NTM: variants seen among roughly 807,000 people sequenced by gnomAD.
NTM encodes the protein neurotrimin.
A neutral mutation model predicts 42.1 loss-of-function variants in NTM; 13 were observed. The observed-to-expected ratio is 0.31, with a 90% confidence interval of 0.20 to 0.49. The LOEUF (loss-of-function observed/expected upper bound fraction) is 0.49. NTM is among the 20% of genes least tolerant of loss of function. The probability of loss-of-function intolerance (pLI) is 0.99; values close to 1 mark genes in which losing one functional copy is unlikely to be tolerated. For missense variants in NTM, 373 were observed against 452.8 expected (o/e 0.82, Z 1.60); for synonymous variants, 187 against 179.2 (o/e 1.04, Z -0.35).
At chr11:131,890,509 G>A (rs1462066983) in intron 1 of NTM, among the ~76,000 whole-genome samples, 8 of 152,150 alleles carry the variant, frequency 5.3e-5, no homozygotes, top group South Asian at 2.1e-4. Context: ...ACTCATGAGC[G>A]CTCTCCTTTT....
At chr11:132,290,336 C>G (rs1257497160) in intron 4 of NTM, among the ~76,000 whole-genome samples, 3 of 151,900 alleles carry the variant, frequency 2.0e-5, no homozygotes, top group Admixed American at 2.0e-4. Context: ...CTGCCCTGCC[C>G]TTGGTAAATC....
intron 1 of NTM, among the ~76,000 whole-genome samples, chr11:131,688,274 A>T (rs60918919): frequency 0.11 from 16,136 of 152,108 alleles, 2,858 homozygotes; most frequent in African/African-American, 0.37. Context: ...ACAGGGGGGA[A>T]AGCAGCTTGC....
Position 132,147,103 on chromosome 11 carries a change from G to C in NTM, c.400+589G>C, listed in dbSNP as rs376428614. Among the ~76,000 whole-genome samples, 7 of 151,254 alleles carry C rather than the reference G, an allele frequency of 4.6e-5. No homozygotes were observed. In the East Asian group the frequency reaches 7.8e-4, roughly 17 times the overall value. On this transcript the variant is annotated intron_variant, in intron 3 of 8. Coordinates refer to ENST00000683400, the MANE Select transcript of NTM (RefSeq NM_001352005.2). ...ATAATACTGGTGTCTGATTCTCCCT[G>C]TTTTGATTCCATCCCAACTCTCCTG...
intron 1 of NTM, among the ~76,000 whole-genome samples, chr11:131,844,274 C>T (rs1249072619): frequency 2.0e-5 from 3 of 152,128 alleles, no homozygotes; most frequent in Admixed American, 6.5e-5. Flanking sequence ...TGTTTCTTTC[C>T]TTAATCCAGT....
At chr11:132,259,257 C>A in intron 4 of NTM, among the ~76,000 whole-genome samples, 1 of 151,878 alleles carries the variant, frequency 6.6e-6, no homozygotes, top group Non-Finnish European at 1.5e-5. Flanking sequence ...GCCTTAAATT[C>A]CAATGCATAA....
At chr11:131,376,672 T>C (rs2135493125) in intron 1 of NTM, among the ~76,000 whole-genome samples, 1 of 152,166 alleles carries the variant, frequency 6.6e-6, no homozygotes, top group South Asian at 2.1e-4. Context: ...ATTTGATTTT[T>C]TTTTTTTTTT....
At chr11:131,490,554 A>T (rs1190752697) in intron 1 of NTM, among the ~76,000 whole-genome samples, 1 of 152,140 alleles carries the variant, frequency 6.6e-6, no homozygotes, top group East Asian at 1.9e-4. Flanking sequence ...GCGCCTCTGA[A>T]GTTGAAGCAT....
chr11:131,481,299 C>T (rs368396423), intron 1 of NTM, among the ~76,000 whole-genome samples: 7 of 152,176 alleles, frequency 4.6e-5, no homozygotes, highest in South Asian at 4.1e-4. Context: ...ATCCCCTGAA[C>T]GTGGAGACGG....
intron 1 of NTM, among the ~76,000 whole-genome samples, chr11:131,391,532 C>G (rs1027611044): frequency 7.0e-6 from 1 of 143,442 alleles, no homozygotes. Context: ...TTGATTTTTA[C>G]AGTATGTTTA....
At chr11:131,601,561 C>A (rs1042826254) in intron 1 of NTM, among the ~76,000 whole-genome samples, 2 of 151,856 alleles carry the variant, frequency 1.3e-5, no homozygotes, top group Non-Finnish European at 2.9e-5. Context: ...GACTAAAATG[C>A]TCCCACCTCA....
intron 3 of NTM, among the ~76,000 whole-genome samples, chr11:132,202,789 T>C (rs1476611757): frequency 6.6e-6 from 1 of 152,186 alleles, no homozygotes. Flanking sequence ...ACATTTCAGT[T>C]GATCCTGAAA....
chr11:131,559,588 T>C (rs2055946775), intron 1 of NTM, among the ~76,000 whole-genome samples: 1 of 152,230 alleles, frequency 6.6e-6, no homozygotes, highest in Admixed American at 6.5e-5. Context: ...AAGGTCATTA[T>C]ACCTGAGTTC....
intron 1 of NTM, among the ~76,000 whole-genome samples, chr11:131,692,081 G>A (rs971772126): frequency 5.3e-5 from 8 of 152,180 alleles, no homozygotes; most frequent in Admixed American, 2.6e-4. Flanking sequence ...CAGAGGAAAC[G>A]GGCAGGGAGT....
intron 1 of NTM, among the ~76,000 whole-genome samples, chr11:131,835,139 A>C (rs1322197327): frequency 6.6e-6 from 1 of 152,232 alleles, no homozygotes; most frequent in Non-Finnish European, 1.5e-5. Context: ...AGGAGATGGT[A>C]GATACCAATT....
At chr11:132,266,595 A>G (rs2093197685) in intron 4 of NTM, among the ~76,000 whole-genome samples, 1 of 152,224 alleles carries the variant, frequency 6.6e-6, no homozygotes, top group Non-Finnish European at 1.5e-5. Context: ...AGTTTTAAAG[A>G]CAGAGAACTC....
intron 2 of NTM, among the ~76,000 whole-genome samples, chr11:131,981,961 A>C (rs951111717): frequency 6.6e-6 from 1 of 152,110 alleles, no homozygotes; most frequent in African/African-American, 2.4e-5. Flanking sequence ...GCAGTGAGCC[A>C]AGATTGCACC....
chr11:132,057,915 G>T (rs1218850673), intron 2 of NTM, among the ~76,000 whole-genome samples: 3 of 152,090 alleles, frequency 2.0e-5, no homozygotes, highest in Admixed American at 1.3e-4. Flanking sequence ...CCATTGCCCA[G>T]TGGCTTCTCA....
chr11:132,309,027 A>G lies in NTM; in HGVS notation c.662-1085A>G, dbSNP rs769939562. On this transcript the variant is annotated intron_variant, in intron 5 of 8. Coordinates refer to ENST00000683400, the MANE Select transcript of NTM (RefSeq NM_001352005.2). ...ACCTGCTTTAAGATTTATGTTGTCC[A>G]TAAGATAAAAGCAAATTAGTTGCTT... 4.6e-5 allele frequency among the ~76,000 whole-genome samples: 7 copies of G among 152,350 alleles called. 1 individual carries two copies. The highest frequency in any genetic ancestry group is 3.9e-4 in the East Asian group (2 of 5,186).
intron 1 of NTM, among the ~76,000 whole-genome samples, chr11:131,800,526 G>A (rs917870702): frequency 3.3e-5 from 5 of 152,190 alleles, no homozygotes; most frequent in African/African-American, 1.2e-4. Flanking sequence ...AATACATATC[G>A]CTTTGTTTAA....
Sources: gnomAD v4.1 joint callset for allele counts (sites outside exome capture counted in the v4.1 genomes callset) on GRCh38, gnomAD v4.1.1 for gene constraint, MANE v1.5 for transcripts, NCBI Gene and HGNC (gene_info 2026-07-23, HGNC 2026-07-21) for gene names.